DPP10: variants seen among roughly 807,000 people sequenced by gnomAD.
DPP10 encodes inactive dipeptidyl peptidase 10.
DPP10 carries 33 observed loss-of-function variants against 120.9 expected under a neutral mutation model. The observed-to-expected ratio is 0.27, with a 90% CI of 0.21 to 0.37. The LOEUF is 0.37. DPP10 is among the 10% of genes least tolerant of loss of function. The pLI, the probability that DPP10 is intolerant of heterozygous loss-of-function variation, is 1.00. For synonymous variants in DPP10, 337 were observed against 326.1 expected (o/e 1.03, Z -0.36); for missense variants, 816 against 942.8 (o/e 0.87, Z 1.76).
chr2:114,470,134 C>T (rs924563896), intron 1 of DPP10, among the ~76,000 whole-genome samples: 5 of 152,204 alleles, frequency 3.3e-5, no homozygotes, highest in African/African-American at 1.2e-4. Context: ...CTAAATTGCT[C>T]TTCCACCAAT....
intron 3 of DPP10, among the ~76,000 whole-genome samples, chr2:115,383,764 T>A (rs1303434588): frequency 3.9e-5 from 6 of 152,202 alleles, no homozygotes; most frequent in African/African-American, 1.4e-4. Flanking sequence ...GTGTATCTCT[T>A]ATATAATAAT....
chr2:115,442,148 G>GT lies in DPP10; in HGVS notation c.272-57355dup, dbSNP rs1558665265. 3.3e-5 allele frequency among the ~76,000 whole-genome samples: 5 copies of GT among 151,984 alleles called. No individual in the cohort carries two copies. The South Asian group carries it at 8.3e-4, about 25-fold the overall frequency. ...TTTTTAAATTTGTTGCATTGGTTAAGTTTTTTTGTCTTCACTGTGCTTGTA... is the reference window on the plus strand; with the variant it reads ...TTTTTAAATTTGTTGCATTGGTTAAGTTTTTTTTGTCTTCACTGTGCTTGTA... On this transcript the variant is annotated intron_variant, in intron 3 of 25. Transcript: ENST00000410059.
intron 1 of DPP10, among the ~76,000 whole-genome samples, chr2:114,607,518 C>T (rs1233732143): frequency 1.3e-5 from 2 of 152,112 alleles, no homozygotes; most frequent in Non-Finnish European, 2.9e-5. Context: ...GCAAATGTCT[C>T]CTTATATATT....
At chr2:114,672,739 C>T (rs765094171) in intron 1 of DPP10, among the ~76,000 whole-genome samples, 33 of 152,276 alleles carry the variant, frequency 2.2e-4, no homozygotes, top group Non-Finnish European at 3.8e-4. Flanking sequence ...ATTCTTGAAA[C>T]TGCATTTGTT....
intron 1 of DPP10, among the ~76,000 whole-genome samples, chr2:114,660,523 G>C (rs1305424690): frequency 1.3e-5 from 2 of 152,110 alleles, no homozygotes; most frequent in Non-Finnish European, 2.9e-5. Flanking sequence ...GCTTGTTCAA[G>C]TGTTTTATAG....
intron 1 of DPP10, among the ~76,000 whole-genome samples, chr2:114,519,676 A>G (rs942066188): frequency 6.6e-6 from 1 of 152,222 alleles, no homozygotes; most frequent in African/African-American, 2.4e-5. Context: ...ATCCAGTTCC[A>G]TCTTTCCTCA....
At chr2:115,088,768 A>AAAAAAAACAAAAAAAAAAAAAAAAAC (rs775985067) in intron 1 of DPP10, among the ~76,000 whole-genome samples, 1 of 134,830 alleles carries the variant, frequency 7.4e-6, no homozygotes, top group Non-Finnish European at 1.6e-5. Context: ...AAAAAAAAAA[A>AAAAAAAACAAAAAAAAAAAAAAAAAC]ACCAAAAAAC....
At chr2:114,577,531 T>G (rs1215223699) in intron 1 of DPP10, among the ~76,000 whole-genome samples, 1 of 152,156 alleles carries the variant, frequency 6.6e-6, no homozygotes, top group Non-Finnish European at 1.5e-5. Context: ...GAGGGGCTCT[T>G]TTTTGCCATA....
chr2:115,400,728 G>T (rs192545991), intron 3 of DPP10, among the ~76,000 whole-genome samples: 1 of 152,154 alleles, frequency 6.6e-6, no homozygotes, highest in East Asian at 1.9e-4. Flanking sequence ...AGCAGAAAAC[G>T]AGTTAATAAA....
intron 3 of DPP10, among the ~76,000 whole-genome samples, chr2:115,413,530 A>C (rs1441948129): frequency 6.6e-6 from 1 of 152,200 alleles, no homozygotes; most frequent in Admixed American, 6.5e-5. Flanking sequence ...AATTTAAAAA[A>C]ATGTTACTTT....
chr2:115,652,052 A>G (rs1346165176), intron 5 of DPP10, among the ~76,000 whole-genome samples: 1 of 152,128 alleles, frequency 6.6e-6, no homozygotes, highest in African/African-American at 2.4e-5. Context: ...GATGTTGGAC[A>G]AATTAAATTT....
At chr2:115,175,467 A>G (rs945911147) in intron 1 of DPP10, among the ~76,000 whole-genome samples, 4 of 152,210 alleles carry the variant, frequency 2.6e-5, no homozygotes, top group Non-Finnish European at 5.9e-5. Context: ...GAGAATCACC[A>G]CTTGCACATG....
At chr2:114,911,246 G>T (rs1436280776) in intron 1 of DPP10, among the ~76,000 whole-genome samples, 1 of 151,850 alleles carries the variant, frequency 6.6e-6, no homozygotes, top group South Asian at 2.1e-4. Flanking sequence ...TATTCTTACG[G>T]TATCAAGTTG....
At chr2:114,546,188 C>T (rs987675648) in intron 1 of DPP10, among the ~76,000 whole-genome samples, 2 of 151,958 alleles carry the variant, frequency 1.3e-5, no homozygotes, top group South Asian at 2.1e-4. Context: ...GTAATTGGCT[C>T]ACAGTTCTGC....
intron 1 of DPP10, among the ~76,000 whole-genome samples, chr2:114,694,630 T>A (rs771910354): frequency 6.6e-6 from 1 of 152,010 alleles, no homozygotes; most frequent in Non-Finnish European, 1.5e-5. Flanking sequence ...TTTCACAAGA[T>A]GAATAAAACG....
At chr2:114,711,415 G>T (rs1701021628) in intron 1 of DPP10, among the ~76,000 whole-genome samples, 1 of 152,304 alleles carries the variant, frequency 6.6e-6, no homozygotes, top group South Asian at 2.1e-4. Context: ...ATGGGTTCAG[G>T]ATCCAGCTGC....
chr2:115,291,854 C>T (rs1450396559), intron 1 of DPP10, among the ~76,000 whole-genome samples: 1 of 152,092 alleles, frequency 6.6e-6, no homozygotes, highest in South Asian at 2.1e-4. Flanking sequence ...AGCACTGTGC[C>T]ACCACGTGCT....
chr2:114,525,660 G>C (rs1685439806), intron 1 of DPP10, among the ~76,000 whole-genome samples: 1 of 152,172 alleles, frequency 6.6e-6, no homozygotes, highest in African/African-American at 2.4e-5. Context: ...ATCACTTACT[G>C]TGATTTTCGC....
chr2:114,702,127 G>A (rs151078560), intron 1 of DPP10, among the ~76,000 whole-genome samples: 150 of 152,204 alleles, frequency 9.9e-4, no homozygotes, highest in African/African-American at 3.2e-3. Flanking sequence ...TAGACTGTAA[G>A]TTACATGAGG....
Sources: allele counts gnomAD v4.1 joint callset (sites outside exome capture counted in the v4.1 genomes callset), GRCh38; gene constraint gnomAD v4.1.1; transcripts MANE v1.5; gene names NCBI Gene and HGNC (gene_info 2026-07-23, HGNC 2026-07-21).